The following MAP3K8 variants were observed in gnomAD, a reference collection of about 807,000 sequenced individuals.
The protein encoded by MAP3K8 is Ewing sarcoma transformant.
Under a neutral mutation model 45.8 loss-of-function variants are expected in MAP3K8, and 22 were observed. The observed-to-expected ratio is 0.48, with a 90% CI of 0.34 to 0.69. The LOEUF is 0.69. Among genes scored for constraint, MAP3K8 ranks in the 30% least tolerant of loss-of-function variants. MAP3K8 has a pLI of 0.01. For synonymous variants in MAP3K8, 223 were observed against 214.3 expected, an observed-to-expected ratio of 1.04 and a Z score of -0.36; for missense variants, 419 against 585.0, an observed-to-expected ratio of 0.72 and a Z score of 2.93.
intron 5 of MAP3K8, 79 bp downstream of exon 5, chr10:30,450,598 C>A: frequency 7.4e-7 from 1 of 1,347,054 alleles, no homozygotes; most frequent in Non-Finnish European, 1.0e-6. Context: ...TTCCTGTAAT[C>A]TGAAGACCCT....
intron 6 of MAP3K8, among the ~76,000 whole-genome samples, chr10:30,452,277 C>G (rs1173868733): frequency 6.6e-6 from 1 of 151,950 alleles, no homozygotes; most frequent in Non-Finnish European, 1.5e-5. Context: ...TGAGACAAGC[C>G]TGACCAACAT....
Position 30,434,389 on chromosome 10 carries a change from G to T in MAP3K8, c.-255+11G>T. The T allele has an allele frequency of 2.1e-6, 2 of 933,258 alleles. No homozygotes were observed. The highest frequency in any genetic ancestry group is 2.6e-6 in the Non-Finnish European group (2 of 782,322). 57.8% of individuals were successfully genotyped at this position (933,258 alleles called of 1,614,324 possible). ...GCGCCAAGGCCGCAGGTAATCCAGG[G>T]TTGGGGGTCTCCGGCGTGTCTTTCG... On this transcript the variant is annotated intron_variant, in intron 1 of 8. Transcript: ENST00000263056.
chr10:30,440,496 A>C (rs2132785613), intron 3 of MAP3K8, among the ~76,000 whole-genome samples: 1 of 152,318 alleles, frequency 6.6e-6, no homozygotes, highest in East Asian at 1.9e-4. Flanking sequence ...GTTTTGTCAG[A>C]AGCCAGTCAT....
rs116488613 is a variant in MAP3K8, at chr10:30,440,208, G to A, written c.336+934G>A. 4.1e-3 allele frequency among the ~76,000 whole-genome samples: 620 copies of A among 152,336 alleles called. 5 individuals are homozygous for A. Among genetic ancestry groups the A allele is most frequent in the African/African-American group, 0.013 (540 of 41,576 alleles). Reference sequence around the variant, plus strand: ...TGGGATTCTGTCAGGCTTTTAGTATGTCAGAGGTGAACGTAGGTGCTGGCT... The same window carrying A: ...TGGGATTCTGTCAGGCTTTTAGTATATCAGAGGTGAACGTAGGTGCTGGCT... On this transcript the variant is annotated intron_variant, in intron 3 of 8. Coordinates refer to ENST00000263056, the MANE Select transcript of MAP3K8 (RefSeq NM_005204.4).
chr10:30,434,597 C>T (rs1308749794), intron 1 of MAP3K8: 3 of 985,828 alleles, frequency 3.0e-6, no homozygotes, highest in Non-Finnish European at 3.6e-6. Context: ...GGTGCAGACT[C>T]GCGACTCCTC....
intron 6 of MAP3K8, among the ~76,000 whole-genome samples, chr10:30,455,442 AT>A (rs1326443507): frequency 1.3e-5 from 2 of 152,208 alleles, no homozygotes; most frequent in African/African-American, 4.8e-5. Context: ...CCCCTGTTTG[AT>A]TGCTCTCTCT....
At chr10:30,440,051 C>G (rs899325833) in intron 3 of MAP3K8, among the ~76,000 whole-genome samples, 8 of 152,224 alleles carry the variant, frequency 5.3e-5, no homozygotes, top group African/African-American at 1.7e-4. Context: ...CAGATTCACT[C>G]TCTTTCATTG....
chr10:30,453,227 TA>T (rs1258672924), intron 6 of MAP3K8, among the ~76,000 whole-genome samples: 1 of 152,014 alleles, frequency 6.6e-6, no homozygotes, highest in African/African-American at 2.4e-5. Context: ...TACATAACTT[TA>T]AAAAATTATA....
intron 3 of MAP3K8, among the ~76,000 whole-genome samples, chr10:30,443,515 C>T (rs764536664): frequency 6.6e-6 from 1 of 152,200 alleles, no homozygotes; most frequent in Non-Finnish European, 1.5e-5. Context: ...CTCTCATCAT[C>T]TGGGCAGGAC....
intron 3 of MAP3K8, among the ~76,000 whole-genome samples, chr10:30,440,422 T>G (rs1836061969): frequency 6.6e-6 from 1 of 152,170 alleles, no homozygotes; most frequent in African/African-American, 2.4e-5. Context: ...ATTTTGCTTT[T>G]TTGCATACCA....
intron 1 of MAP3K8, 75 bp downstream of exon 1, chr10:30,434,453 A>C (rs1835845726): frequency 1.0e-6 from 1 of 985,426 alleles, no homozygotes; most frequent in Non-Finnish European, 1.2e-6. Flanking sequence ...ATTCCCATGC[A>C]GAAATGGAGG....
chr10:30,447,311 G>GT (rs1298381573), intron 3 of MAP3K8, among the ~76,000 whole-genome samples: 1 of 152,154 alleles, frequency 6.6e-6, no homozygotes, highest in Non-Finnish European at 1.5e-5. Context: ...ATACGCTGTG[G>GT]TTTTCCAAAA....
intron 1 of MAP3K8, chr10:30,434,664 G>A (rs306588): frequency 0.7 from 686,777 of 985,396 alleles, 240,782 homozygotes; most frequent in African/African-American, 0.8. Flanking sequence ...TCTGGGCAGT[G>A]CGCGGGGAAG....
At chr10:30,441,338 G>A (rs570933284) in intron 3 of MAP3K8, among the ~76,000 whole-genome samples, 1 of 152,142 alleles carries the variant, frequency 6.6e-6, no homozygotes, top group South Asian at 2.1e-4. Flanking sequence ...TGTATGTTTA[G>A]TAGAGATGGG....
intron 6 of MAP3K8, among the ~76,000 whole-genome samples, chr10:30,456,946 T>A (rs1420234762): frequency 6.6e-6 from 1 of 152,106 alleles, no homozygotes; most frequent in East Asian, 1.9e-4. Flanking sequence ...TAGCCAGGCG[T>A]GGTAGCACAT....
At chr10:30,441,317 C>T (rs1015311115) in intron 3 of MAP3K8, among the ~76,000 whole-genome samples, 14 of 152,066 alleles carry the variant, frequency 9.2e-5, no homozygotes, top group Admixed American at 6.6e-4. Context: ...CCACCATACC[C>T]GGCTAATTTT....
At chr10:30,457,189 CTA>C (rs1374545173) in intron 6 of MAP3K8, among the ~76,000 whole-genome samples, 1 of 151,966 alleles carries the variant, frequency 6.6e-6, no homozygotes, top group Non-Finnish European at 1.5e-5. Flanking sequence ...GTTAGAGAAA[CTA>C]TTTATAAAAC....
chr10:30,436,599 C>G (rs1046407945), intron 1 of MAP3K8, among the ~76,000 whole-genome samples: 1 of 151,514 alleles, frequency 6.6e-6, no homozygotes, highest in Non-Finnish European at 1.5e-5. Context: ...TCTTACAGCT[C>G]TTTTAGGATT....
At chr10:30,455,884 C>G (rs906804321) in intron 6 of MAP3K8, among the ~76,000 whole-genome samples, 2 of 152,192 alleles carry the variant, frequency 1.3e-5, no homozygotes, top group Non-Finnish European at 2.9e-5. Flanking sequence ...CCCTGCTGCT[C>G]CCTGATCTAA....
Sources: gnomAD v4.1 joint callset for allele counts (sites outside exome capture counted in the v4.1 genomes callset) on GRCh38, gnomAD v4.1.1 for gene constraint, MANE v1.5 for transcripts, NCBI Gene and HGNC (gene_info 2026-07-23, HGNC 2026-07-21) for gene names.